The following SNX17 variants were observed in gnomAD, a reference collection of about 807,000 sequenced individuals.
SNX17 encodes sorting nexin 17.
In SNX17, 35 loss-of-function variants were observed where a neutral mutation model predicts 64.3. The ratio of observed to expected loss-of-function variants is 0.54; its 90% confidence interval spans 0.42 to 0.72. The LOEUF (loss-of-function observed/expected upper bound fraction) is 0.72. Among genes scored for constraint, SNX17 ranks in the 30% least tolerant of loss-of-function variants. The pLI is 0.00. For synonymous variants in SNX17, 259 were observed against 230.2 expected (o/e 1.13, Z -1.13); for missense variants, 538 against 610.0 (o/e 0.88, Z 1.24).
rs1037478189 is a variant in SNX17, at chr2:27,376,729, C to T, written c.*10C>T. 5 of 1,605,538 alleles carry T rather than the reference C, an allele frequency of 3.1e-6. No individual in the cohort carries two copies. The highest frequency in any genetic ancestry group is 4.3e-6 in the Non-Finnish European group (5 of 1,172,380). On this transcript the variant is annotated 3_prime_UTR_variant, in exon 15 of 15. Coordinates refer to ENST00000233575, the MANE Select transcript of SNX17 (RefSeq NM_014748.4). ...AGATGAGGATCTGTAATCTCCACTG[C>T]TTGGATGTCTGCCCTCTACCCCAGA...
chr2:27,374,778 A>C lies in SNX17; in HGVS notation c.681+20A>C. 6.2e-7 allele frequency: 1 copy of C among 1,611,452 alleles called. No individual in the cohort carries two copies. Among genetic ancestry groups the C allele is most frequent in the Non-Finnish European group, 8.5e-7 (1 of 1,177,586 alleles). On this transcript the variant is annotated intron_variant, in intron 8 of 14. Coordinates refer to ENST00000233575, the MANE Select transcript of SNX17 (RefSeq NM_014748.4). ...GCTCAGGTGAGCTTGGAGCTGCCTC[A>C]GAACCCTTCCCCTGAAGAAAATAAC... is the stretch of plus-strand genomic sequence containing the variant.
intron 2 of SNX17, chr2:27,371,634 A>G (rs1682561779): frequency 6.8e-6 from 2 of 292,642 alleles, no homozygotes; most frequent in African/African-American, 4.4e-5. Context: ...TCCCCCCACT[A>G]CCTCCACCCA....
In SNX17 at chr2:27,376,496, C is replaced by T; in HGVS notation, c.1275C>T (p.Thr425=). The T allele has an allele frequency of 6.2e-7, 1 of 1,614,150 alleles. No homozygotes were observed. Among genetic ancestry groups the T allele is most frequent in the Non-Finnish European group, 8.5e-7 (1 of 1,180,024 alleles). The change falls in exon 14 of 15, where the codon ACC becomes ACT. Residue 425 remains threonine (T), a synonymous_variant. Coordinates refer to ENST00000233575, the MANE Select transcript of SNX17 (RefSeq NM_014748.4). ...TTCCCCAGGAGTCACCTGATGCCAC[C>T]CGGGAGTCTATGGTCAAACTCTCAG... ...SPPLLESPDA[T]RESMVKLSSK...
rs997365827 is a variant in SNX17, at chr2:27,370,694, C to T, written c.-50C>T. 2.0e-6 allele frequency: 3 copies of T among 1,512,084 alleles called. No individual in the cohort carries two copies. The highest frequency in any genetic ancestry group is 1.4e-5 in the African/African-American group (1 of 71,970). The allele number at this position is 1,512,084 out of a possible 1,614,324, so 93.7% of individuals were successfully genotyped here. ...GCAGCGGAGGGGGAGCGTGCAGAGC[C>T]GCTGCGGCCCTCACAGTCCGGAGCC... is the stretch of plus-strand genomic sequence containing the variant. On this transcript the variant is annotated 5_prime_UTR_variant, in exon 1 of 15. Coordinates refer to ENST00000233575, the MANE Select transcript of SNX17 (RefSeq NM_014748.4).
At chr2:27,371,966 C>T (rs1009004665) in intron 2 of SNX17, among the ~76,000 whole-genome samples, 3 of 152,172 alleles carry the variant, frequency 2.0e-5, no homozygotes, top group Non-Finnish European at 4.4e-5. Context: ...CTCACTGCAA[C>T]CTCTGCCTCC....
At position 27,370,797 on chromosome 2, in the gene SNX17, C is replaced by G. The variant is rs754575924; in HGVS notation, c.54C>G (p.Ser18=). The change falls in exon 1 of 15, where the codon TCC becomes TCG. Residue 18 remains serine, a synonymous_variant. Coordinates refer to ENST00000233575, the MANE Select transcript of SNX17 (RefSeq NM_014748.4). ...CCCGCAGCGGGGACAGCGGCGGCTC[C>G]GCCTACGTGGTGAGGAGCGGCCGGA... is the stretch of plus-strand genomic sequence containing the variant. ...TESRSGDSGG[S]AYVAYNIHVN... is the part of the protein sequence containing the mutation. 6.5e-7 allele frequency: 1 copy of G among 1,544,808 alleles called. No individual in the cohort carries two copies. Among genetic ancestry groups the G allele is most frequent in the Non-Finnish European group, 8.7e-7 (1 of 1,146,384 alleles).
At position 27,372,841 on chromosome 2, in the gene SNX17, T is replaced by G. The variant is rs188377225; in HGVS notation, c.256+101T>G. On this transcript the variant is annotated intron_variant, in intron 3 of 14. Transcript: ENST00000233575. Reference sequence around the variant, plus strand: ...AAGGGCCTGATTTAATTTCTAGATCTAGGAAGGCTCTTGTTTGATCTGTTA... The same window carrying G: ...AAGGGCCTGATTTAATTTCTAGATCGAGGAAGGCTCTTGTTTGATCTGTTA... The G allele has an allele frequency of 2.5e-4, 374 of 1,472,274 alleles. 2 individuals are homozygous for G. In the African/African-American group the frequency reaches 3.4e-3, roughly 13 times the overall value. The allele number at this position is 1,472,274 out of a possible 1,614,324, so 91.2% of individuals were successfully genotyped here. A position where few individuals can be genotyped will look rare whatever the true frequency, so the allele number is the denominator to read the frequency against.
In SNX17 at chr2:27,377,224, A is replaced by G. The variant is rs2148410039; in HGVS notation, c.*505A>G. 4 of 522,306 alleles carry G rather than the reference A, an allele frequency of 7.7e-6. No individual in the cohort carries two copies. Among genetic ancestry groups the G allele is most frequent in the South Asian group, 2.0e-5 (1 of 49,800 alleles). The allele number at this position is 522,306 out of a possible 1,614,324, so 32.4% of individuals were successfully genotyped here. A position where few individuals can be genotyped will look rare whatever the true frequency, so the allele number is the denominator to read the frequency against. On this transcript the variant is annotated 3_prime_UTR_variant, in exon 15 of 15. Transcript: ENST00000233575. This position sits in a 1 kb window ranked among gnomAD's most constrained non-coding sequence, Gnocchi z 4.4. ...AATTGCCTGCCATTGCCAATTCAGCATAGACATGGCTTTGTTAGTGTTTCC... is the reference window on the plus strand; with the variant it reads ...AATTGCCTGCCATTGCCAATTCAGCGTAGACATGGCTTTGTTAGTGTTTCC...
chr2:27,372,492 G>T, intron 2 of SNX17, 131 bp from the exon 3 acceptor site: 1 of 1,285,744 alleles, frequency 7.8e-7, no homozygotes, highest in South Asian at 1.3e-5. Flanking sequence ...TTTCTCAGAT[G>T]ACCAGGGTAG....
Position 27,372,948 on chromosome 2 carries a change from A to T in SNX17, c.256+208A>T, listed in dbSNP as rs1682785750. On this transcript the variant is annotated intron_variant, in intron 3 of 14. Transcript: ENST00000233575. ...CAATTTGGGCACTAACATCTATGAG[A>T]AATACTAGTATAACACTAGTCTTAA... The T allele has an allele frequency of 4.6e-6, 6 of 1,307,712 alleles. No homozygotes were observed. In the Admixed American group the frequency reaches 1.2e-4, roughly 26 times the overall value. 81.0% of individuals were successfully genotyped at this position (1,307,712 alleles called of 1,614,324 possible).
In SNX17 at chr2:27,376,880, C is replaced by G. The variant is rs1413609937; in HGVS notation, c.*161C>G. 3.2e-6 allele frequency: 2 copies of G among 629,378 alleles called. No homozygotes were observed. Among genetic ancestry groups the G allele is most frequent in the African/African-American group, 3.7e-5 (2 of 54,412 alleles). The allele number at this position is 629,378 out of a possible 1,614,324, so 39.0% of individuals were successfully genotyped here. A position where few individuals can be genotyped will look rare whatever the true frequency, so the allele number is the denominator to read the frequency against. On this transcript the variant is annotated 3_prime_UTR_variant, in exon 15 of 15. Transcript: ENST00000233575. ...GGCCTCGTATCCTACCTTTCCTTGT[C>G]CCCTGGGCTGGCTGCACAGAGGATT... is the stretch of plus-strand genomic sequence containing the variant.
At chr2:27,371,145 C>T (rs1203113516) in intron 1 of SNX17, 124 bp from the exon 2 acceptor site, 1 of 884,618 alleles carries the variant, frequency 1.1e-6, no homozygotes, top group African/African-American at 1.6e-5. Flanking sequence ...CGAAAACAAG[C>T]GAACTATCCC....
chr2:27,371,214 A>G, intron 1 of SNX17, 55 bp from the exon 2 acceptor site: 5 of 1,522,714 alleles, frequency 3.3e-6, no homozygotes. Flanking sequence ...CAGGGTTCTC[A>G]GGGGGGTTGC....
Position 27,376,784 on chromosome 2 carries a change from T to G in SNX17, c.*65T>G. 7.2e-7 allele frequency: 1 copy of G among 1,386,316 alleles called. No individual in the cohort carries two copies. Among genetic ancestry groups the G allele is most frequent in the Non-Finnish European group, 1.0e-6 (1 of 981,502 alleles). 85.9% of individuals were successfully genotyped at this position (1,386,316 alleles called of 1,614,324 possible). On this transcript the variant is annotated 3_prime_UTR_variant, in exon 15 of 15. Transcript: ENST00000233575. ...TTTACAGAAACTTGCCCTGTGCCTG[T>G]GTCCCCCATGCTAGGGGCGGAGGGG...
Position 27,373,896 on chromosome 2 carries a change from G to A in SNX17, c.357G>A (p.Leu119=), listed in dbSNP as rs1445382411. 1 of 1,613,930 alleles carries A rather than the reference G, an allele frequency of 6.2e-7. No homozygotes were observed. Among genetic ancestry groups the A allele is most frequent in the Admixed American group, 1.7e-5 (1 of 60,000 alleles). ...TQQVPTEEVS[L]EVLLSNGQKV... ...AGGTCCCCACAGAGGAAGTGTCCTT[G>A]GAAGTGCTGCTCAGCAACGGGCAGA... Residue 119 remains leucine, a synonymous_variant, in exon 5 of 15, where the codon TTG becomes TTA. Transcript: ENST00000233575.
chr2:27,374,610 G>C (rs1433702511), intron 7 of SNX17, 79 bp from the exon 8 acceptor site: 1 of 1,446,716 alleles, frequency 6.9e-7, no homozygotes, highest in Non-Finnish European at 9.7e-7. Context: ...GATTGCTCCT[G>C]TTTTGCCCAT....
At chr2:27,373,103 C>G in intron 3 of SNX17, 144 bp from the exon 4 acceptor site, 1 of 1,571,830 alleles carries the variant, frequency 6.4e-7, no homozygotes, top group Non-Finnish European at 8.6e-7. Flanking sequence ...TTTATGCAAA[C>G]AGTGAGTGAG....
rs1683335691 is a variant in SNX17, at chr2:27,377,182, T to C, written c.*463T>C. 2.2e-6 allele frequency: 1 copy of C among 451,524 alleles called. No individual in the cohort carries two copies. The highest frequency in any genetic ancestry group is 2.1e-5 in the South Asian group (1 of 48,278). The allele number at this position is 451,524 out of a possible 1,614,324, so 28.0% of individuals were successfully genotyped here. On this transcript the variant is annotated 3_prime_UTR_variant, in exon 15 of 15. Transcript: ENST00000233575. The surrounding 1 kb of genome is among the most constrained non-coding windows in gnomAD (Gnocchi z 4.4). ...TCCCCCATCACAGCATGGACTACTA[T>C]GCTAAGGGTAAGGCCAAATTGCCTG...
chr2:27,373,736 G>T (rs1299870849), intron 4 of SNX17, 125 bp from the exon 5 acceptor site: 4 of 674,186 alleles, frequency 5.9e-6, no homozygotes, highest in Non-Finnish European at 2.6e-6. Context: ...TGAAATCAAA[G>T]AAATCACAGC....
Sources: allele counts gnomAD v4.1 joint callset (sites outside exome capture counted in the v4.1 genomes callset), GRCh38; gene constraint gnomAD v4.1.1; non-coding constraint Gnocchi (gnomAD v3.1); transcripts MANE v1.5; gene names NCBI Gene and HGNC (gene_info 2026-07-23, HGNC 2026-07-21).